COL6A5: variants seen among roughly 807,000 people sequenced by gnomAD.
COL6A5 encodes collagen type VI alpha 5 chain, also known as collagen alpha-5(VI) chain.
COL6A5 carries 48 observed loss-of-function variants against 65.6 expected under a neutral mutation model. That is an observed-to-expected ratio of 0.73 (90% CI 0.58 to 0.93). COL6A5 has a LOEUF of 0.93. COL6A5 is among the 40% of genes least tolerant of loss of function. COL6A5 has a pLI of 0.00. For missense variants in COL6A5, 914 were observed against 928.3 expected, an observed-to-expected ratio of 0.98 and a Z score of 0.20; for synonymous variants, 291 against 322.8, an observed-to-expected ratio of 0.90 and a Z score of 1.05.
chr3:130,395,385 T>C lies in COL6A5; in HGVS notation c.3488T>C (p.Phe1163Ser), dbSNP rs761857117. 94 of 1,548,246 alleles carry C rather than the reference T, an allele frequency of 6.1e-5. No individual in the cohort carries two copies. Among genetic ancestry groups the C allele is most frequent in the Non-Finnish European group, 8.0e-5 (92 of 1,146,326 alleles). The stretch of plus-strand genomic sequence containing the variant: ...GGCAATTCTGAAAAAATAATCACTT[T>C]TCAAGACTTTGATAAATTAAAGAAT... The change falls in exon 8 of 42, where the codon TTT becomes TCT. Residue 1163 changes from phenylalanine to serine, a missense_variant and NMD_transcript_variant. Transcript: ENST00000312481.
chr3:130,371,495 A>G (rs567311443), intron 1 of COL6A5, among the ~76,000 whole-genome samples: 1 of 152,322 alleles, frequency 6.6e-6, no homozygotes, highest in South Asian at 2.1e-4. Context: ...ATAGAATACA[A>G]TTGAGAGTCT....
intron 7 of COL6A5, among the ~76,000 whole-genome samples, chr3:130,483,477 A>G (rs1710301468): frequency 6.6e-6 from 1 of 152,200 alleles, no homozygotes; most frequent in South Asian, 2.1e-4. Flanking sequence ...CTCCTAGGTT[A>G]TTGATTGGTC....
At chr3:130,408,417 G>C (rs139132023) in intron 17 of COL6A5, among the ~76,000 whole-genome samples, 31 of 152,116 alleles carry the variant, frequency 2.0e-4, no homozygotes, top group Non-Finnish European at 3.7e-4. Context: ...CCAGCCTGGC[G>C]AATTCTAGTC....
intron 5 of COL6A5, among the ~76,000 whole-genome samples, chr3:130,467,741 G>A (rs1709850504): frequency 6.6e-6 from 1 of 151,988 alleles, no homozygotes; most frequent in Non-Finnish European, 1.5e-5. Flanking sequence ...TAGGCTTACA[G>A]CATTAATACA....
At chr3:130,387,570 A>G (rs998382661) in intron 5 of COL6A5, among the ~76,000 whole-genome samples, 15 of 152,216 alleles carry the variant, frequency 9.9e-5, no homozygotes, top group African/African-American at 3.1e-4. Context: ...GAATCTTAAA[A>G]TGGTGGTGTA....
intron 24 of COL6A5, among the ~76,000 whole-genome samples, chr3:130,417,941 A>G (rs1030059391): frequency 6.6e-6 from 1 of 152,138 alleles, no homozygotes; most frequent in African/African-American, 2.4e-5. Context: ...TTACAAGATA[A>G]ATAAATTCTG....
intron 1 of COL6A5, among the ~76,000 whole-genome samples, chr3:130,370,990 G>A (rs936664194): frequency 2.0e-5 from 3 of 152,160 alleles, no homozygotes. Context: ...TTACTGGGTT[G>A]AGACCAGCTT....
intron 3 of COL6A5, among the ~76,000 whole-genome samples, 160 bp from the exon 36 acceptor site, chr3:130,443,316 C>T (rs1015196529): frequency 7.9e-5 from 12 of 152,110 alleles, no homozygotes; most frequent in African/African-American, 2.9e-4. Flanking sequence ...ATTTTGAGTG[C>T]TATTTCTAAC....
chr3:130,426,497 G>A, upstream of COL6A5: 1 of 1,239,980 alleles, frequency 8.1e-7, no homozygotes, highest in Non-Finnish European at 1.2e-6. Context: ...AGTAGGATGA[G>A]TTCACTGGTG....
intron 12 of COL6A5, among the ~76,000 whole-genome samples, chr3:130,402,688 C>T (rs1458547360): frequency 6.6e-6 from 1 of 152,034 alleles, no homozygotes; most frequent in Non-Finnish European, 1.5e-5. Context: ...AGGCACTGTG[C>T]CTGGGACCAA....
chr3:130,413,672 T>C, intron 21 of COL6A5, 92 bp downstream of exon 21: 2 of 1,286,470 alleles, frequency 1.6e-6, no homozygotes, highest in Non-Finnish European at 2.2e-6. Context: ...TCAATGAGCA[T>C]TTTACAAGGG....
Position 130,439,632 on chromosome 3 carries a change from G to A in COL6A5, c.581+17G>A. ...TTTGCTATGGTAAGACCAATGAAGAGAATTGACTGTGCTGAAGAGCTTAAA... is the reference window on the plus strand; with the variant it reads ...TTTGCTATGGTAAGACCAATGAAGAAAATTGACTGTGCTGAAGAGCTTAAA... On this transcript the variant is annotated intron_variant, in intron 2 of 7. Coordinates refer to ENST00000512836, the Ensembl canonical transcript of COL6A5. 1 of 1,527,220 alleles carries A rather than the reference G, an allele frequency of 6.5e-7. No homozygotes were observed. Among genetic ancestry groups the A allele is most frequent in the Non-Finnish European group, 8.9e-7 (1 of 1,125,076 alleles). 94.6% of individuals were successfully genotyped at this position (1,527,220 alleles called of 1,614,324 possible).
At chr3:130,408,378 G>A (rs1937069655) in intron 17 of COL6A5, among the ~76,000 whole-genome samples, 1 of 152,072 alleles carries the variant, frequency 6.6e-6, no homozygotes, top group Admixed American at 6.5e-5. Flanking sequence ...CTCCTGCAAC[G>A]CCCCCAGGCT....
At chr3:130,389,177 G>A (rs1321965565) in intron 6 of COL6A5, 43 bp downstream of exon 6, 3 of 1,275,040 alleles carry the variant, frequency 2.4e-6, no homozygotes, top group South Asian at 5.8e-5. Context: ...GATGTGAGCT[G>A]TTGACTTTAT....
chr3:130,349,577 C>T (rs1369413369), intron 1 of COL6A5, among the ~76,000 whole-genome samples: 1 of 152,134 alleles, frequency 6.6e-6, no homozygotes, highest in Non-Finnish European at 1.5e-5. Flanking sequence ...ATGTAATAAT[C>T]TAGTGATACA....
exon 6 of COL6A5, chr3:130,388,759 C>T (rs1936287630): frequency 1.3e-6 from 2 of 1,551,148 alleles, no homozygotes. Flanking sequence ...GGAAGAGTTC[C>T]AGCTTAATAG....
chr3:130,450,786 G>A (rs1430467661), intron 4 of COL6A5, among the ~76,000 whole-genome samples: 3 of 152,118 alleles, frequency 2.0e-5, no homozygotes, highest in African/African-American at 4.8e-5. Flanking sequence ...TCTGTAGCGC[G>A]TAATTTATCC....
chr3:130,347,850 C>A (rs984109977), intron 1 of COL6A5, among the ~76,000 whole-genome samples: 1 of 152,156 alleles, frequency 6.6e-6, no homozygotes, highest in African/African-American at 2.4e-5. Context: ...CCAGTACACA[C>A]TGAGCAAGTG....
chr3:130,398,706 C>T (rs1342241110), intron 10 of COL6A5, among the ~76,000 whole-genome samples: 1 of 152,088 alleles, frequency 6.6e-6, no homozygotes, highest in Non-Finnish European at 1.5e-5. Context: ...TTACCATGCC[C>T]CACGTTGGTG....
Sources: allele counts gnomAD v4.1 joint callset (sites outside exome capture counted in the v4.1 genomes callset), GRCh38; gene constraint gnomAD v4.1.1; transcripts MANE v1.5; gene names NCBI Gene and HGNC (gene_info 2026-07-23, HGNC 2026-07-21).